Variants in FBLN5 observed in about 807,000 individuals in gnomAD.
FBLN5 encodes the protein fibulin 5.
In FBLN5, 24 loss-of-function variants were observed where a neutral mutation model predicts 61.6. The observed-to-expected ratio is 0.39, with a 90% CI of 0.28 to 0.55. FBLN5 has a LOEUF of 0.55. FBLN5 is among the 20% of genes least tolerant of loss of function. The pLI, the probability that FBLN5 is intolerant of heterozygous loss-of-function variation, is 0.65. For missense variants in FBLN5, 470 were observed against 594.1 expected (o/e 0.79, Z 2.17); for synonymous variants, 213 against 219.8 (o/e 0.97, Z 0.27).
chr14:91,912,702 C>T (rs1223276425), intron 4 of FBLN5, among the ~76,000 whole-genome samples: 1 of 150,200 alleles, frequency 6.7e-6, no homozygotes, highest in Non-Finnish European at 1.5e-5. Context: ...CCCAGCTACT[C>T]GGGAGGCTAA....
chr14:91,929,798 A>G (rs764843377), intron 4 of FBLN5, among the ~76,000 whole-genome samples: 2 of 152,252 alleles, frequency 1.3e-5, no homozygotes, highest in Non-Finnish European at 2.9e-5. Context: ...CTGGACCAGC[A>G]GCGTGGCATC....
chr14:91,911,065 C>A (rs527653337), intron 4 of FBLN5, among the ~76,000 whole-genome samples: 2 of 152,120 alleles, frequency 1.3e-5, no homozygotes, highest in African/African-American at 4.8e-5. Context: ...CTCACTGCAA[C>A]CTCCACCTCC....
rs148660796 is a variant in FBLN5 at position 91,870,380 on chromosome 14, C to T, written c.1191G>A (p.Thr397=). The change falls in exon 11 of 11, where the codon ACG becomes ACA. Residue 397 remains threonine (T), a synonymous_variant. Transcript: ENST00000342058. ...TCACCAGGGTGGCACTGATGGGGCC[C>T]GTTTGCTATGGACAGAACCGGGGAA... ...NEGREFYMRQ[T]GPISATLVMT... 1.6e-4 allele frequency: 259 copies of T among 1,613,638 alleles called. No individual in the cohort carries two copies. The highest frequency in any genetic ancestry group is 1.9e-4 in the Non-Finnish European group (226 of 1,180,034).
intron 4 of FBLN5, among the ~76,000 whole-genome samples, chr14:91,896,154 C>T (rs1890215995): frequency 6.6e-6 from 1 of 152,218 alleles, no homozygotes; most frequent in Admixed American, 6.5e-5. Flanking sequence ...ATCCTCCTCC[C>T]CTTTCTCCCC....
chr14:91,925,173 AAGTC>A (rs1249858466), intron 4 of FBLN5, among the ~76,000 whole-genome samples: 1 of 152,216 alleles, frequency 6.6e-6, no homozygotes, highest in African/African-American at 2.4e-5. Flanking sequence ...GTTTGAAAGA[AAGTC>A]AGACAGCATT....
intron 4 of FBLN5, among the ~76,000 whole-genome samples, chr14:91,913,001 C>A (rs1442402010): frequency 6.6e-6 from 1 of 152,132 alleles, no homozygotes; most frequent in African/African-American, 2.4e-5. Flanking sequence ...TGTATTAACT[C>A]AATATGTACT....
At chr14:91,870,527 GC>G in intron 10 of FBLN5, 142 bp from the exon 11 acceptor site, 1 of 800,914 alleles carries the variant, frequency 1.2e-6, no homozygotes, top group Non-Finnish European at 2.1e-6. Context: ...CCCTGGCTTT[GC>G]CCACTCTCCA....
At chr14:91,907,142 T>C (rs959726203) in intron 4 of FBLN5, among the ~76,000 whole-genome samples, 17 of 152,216 alleles carry the variant, frequency 1.1e-4, no homozygotes, top group African/African-American at 3.6e-4. Flanking sequence ...AGTGTGGCTA[T>C]GTGACTAAGT....
chr14:91,911,712 G>T (rs1890949607), intron 4 of FBLN5, among the ~76,000 whole-genome samples: 1 of 151,268 alleles, frequency 6.6e-6, no homozygotes, highest in South Asian at 2.1e-4. Flanking sequence ...CTGGGGCCCA[G>T]TTGAGCTCCC....
chr14:91,938,573 C>G (rs1307402288), intron 3 of FBLN5: 1 of 152,310 alleles, frequency 6.6e-6, no homozygotes, highest in Non-Finnish European at 1.5e-5. Context: ...TGCCAGCCAA[C>G]AATTTCTAGC....
At chr14:91,896,324 G>A (rs1195633865) in intron 4 of FBLN5, among the ~76,000 whole-genome samples, 1 of 152,068 alleles carries the variant, frequency 6.6e-6, no homozygotes, top group Non-Finnish European at 1.5e-5. Context: ...TGGTCCAGAG[G>A]ACCCCAAAAC....
At chr14:91,908,832 GTCTTTGGAGGCTTGT>G (rs1226882255) in intron 4 of FBLN5, among the ~76,000 whole-genome samples, 1 of 152,088 alleles carries the variant, frequency 6.6e-6, no homozygotes. Flanking sequence ...ACATAAGAGT[GTCTTTGGAGGCTTGT>G]TCTAAAAATA....
At chr14:91,894,415 AAAAAAAAAAAAAC>A (rs1377024003) in intron 5 of FBLN5, among the ~76,000 whole-genome samples, 5 of 146,614 alleles carry the variant, frequency 3.4e-5, no homozygotes, top group African/African-American at 1.0e-4. Flanking sequence ...AAAAAAAAAA[AAAAAAAAAAAAAC>A]CGAAAAAAAC....
At chr14:91,879,156 T>C (rs762738260) in intron 9 of FBLN5, among the ~76,000 whole-genome samples, 15 of 152,310 alleles carry the variant, frequency 9.8e-5, no homozygotes, top group East Asian at 7.7e-4. Flanking sequence ...ATGTGCAGCA[T>C]AGAAAATCAT....
chr14:91,880,664 C>T (rs1315371900), intron 9 of FBLN5, among the ~76,000 whole-genome samples: 3 of 152,192 alleles, frequency 2.0e-5, no homozygotes, highest in Non-Finnish European at 4.4e-5. Context: ...TCTCATGCCT[C>T]AGCCTCCTGA....
At chr14:91,871,431 C>T (rs1255371668) in intron 10 of FBLN5, among the ~76,000 whole-genome samples, 1 of 152,096 alleles carries the variant, frequency 6.6e-6, no homozygotes, top group Non-Finnish European at 1.5e-5. Context: ...AATAATTTCG[C>T]GTGAACTCTC....
In FBLN5 at chr14:91,887,234, T is replaced by G. The variant is rs748615989; in HGVS notation, c.698A>C (p.Asp233Ala). ...ATCTTCCTCAAGTTCATATCCTGGG[T>G]CACAGCGGCAGATGAAAGAGCCGTA... is the stretch of plus-strand genomic sequence containing the variant. ...NTYGSFICRC[D>A]PGYELEEDGV... Residue 233 changes from aspartate (D) to alanine (A), a missense_variant, in exon 7 of 11, where the codon GAC becomes GCC. By Grantham distance (126) the Asp-to-Ala change is moderately radical (BLOSUM62 -2). Transcript: ENST00000342058. 54 of 1,613,002 alleles carry G rather than the reference T, an allele frequency of 3.3e-5. No homozygotes were observed. The South Asian group carries it at 5.8e-4, about 17-fold the overall frequency.
intron 10 of FBLN5, 116 bp from the exon 11 acceptor site, chr14:91,870,501 C>T (rs528940005): frequency 2.1e-6 from 2 of 958,050 alleles, no homozygotes; most frequent in East Asian, 4.8e-5. Context: ...GGTGCCTCAA[C>T]TGTGCCATGC....
Position 91,883,085 on chromosome 14 carries a change from A to G in FBLN5, c.740-9T>C. 1 of 1,613,654 alleles carries G rather than the reference A, an allele frequency of 6.2e-7. No homozygotes were observed. Among genetic ancestry groups the G allele is most frequent in the Non-Finnish European group, 8.5e-7 (1 of 1,179,700 alleles). On this transcript the variant is annotated splice_polypyrimidine_tract_variant and intron_variant, in intron 7 of 10. Transcript: ENST00000342058. ...GCTGCACTCGTCCATATCTGGGGTG[A>G]CAAGTCACACCTGCTGTTTGTAATC... is the stretch of plus-strand genomic sequence containing the variant.
Sources: gnomAD v4.1 joint callset for allele counts (sites outside exome capture counted in the v4.1 genomes callset) on GRCh38, gnomAD v4.1.1 for gene constraint, MANE v1.5 for transcripts, NCBI Gene and HGNC (gene_info 2026-07-23, HGNC 2026-07-21) for gene names.